The following APBA2 variants were observed in gnomAD, a reference collection of about 807,000 sequenced individuals.
APBA2 encodes amyloid-beta A4 precursor protein-binding family A member 2.
In APBA2, 30 loss-of-function variants were observed where a neutral mutation model predicts 75.0. The observed-to-expected ratio is 0.40, with a 90% CI of 0.30 to 0.54. The LOEUF is 0.54. APBA2 is among the 20% of genes least tolerant of loss of function. The pLI is 0.49. For missense variants in APBA2, 801 were observed against 1,016.1 expected (o/e 0.79, Z 2.88); for synonymous variants, 444 against 409.6 (o/e 1.08, Z -1.01).
intron 2 of APBA2, among the ~76,000 whole-genome samples, chr15:28,994,725 G>A (rs1275742991): frequency 1.3e-5 from 2 of 152,204 alleles, no homozygotes; most frequent in Non-Finnish European, 2.9e-5. Flanking sequence ...CTTTCTTAGA[G>A]AAGTGAAGAC....
intron 2 of APBA2, among the ~76,000 whole-genome samples, chr15:28,960,754 A>G (rs8035481): frequency 0.19 from 28,058 of 148,998 alleles, 4,694 homozygotes; most frequent in African/African-American, 0.44. Context: ...GGATGCACCC[A>G]TCATTCTTTT....
chr15:29,007,547 G>C (rs932536554), intron 3 of APBA2, among the ~76,000 whole-genome samples: 1 of 152,208 alleles, frequency 6.6e-6, no homozygotes, highest in Non-Finnish European at 1.5e-5. Context: ...GAAGCCACCT[G>C]ATTAACAAAC....
At chr15:28,974,811 C>T (rs937349893) in intron 2 of APBA2, among the ~76,000 whole-genome samples, 13 of 151,578 alleles carry the variant, frequency 8.6e-5, no homozygotes, top group African/African-American at 1.9e-4. Context: ...TGAAACCAAA[C>T]GAATTAATGG....
intron 3 of APBA2, among the ~76,000 whole-genome samples, chr15:29,016,005 T>C (rs1015544365): frequency 6.6e-6 from 1 of 152,182 alleles, no homozygotes; most frequent in Non-Finnish European, 1.5e-5. Flanking sequence ...ACGCTTGTAA[T>C]CCCAGCACTT....
At chr15:29,010,374 T>A (rs2039340039) in intron 3 of APBA2, among the ~76,000 whole-genome samples, 1 of 152,178 alleles carries the variant, frequency 6.6e-6, no homozygotes, top group Non-Finnish European at 1.5e-5. Context: ...TTCTCCTGCC[T>A]CAGCCTCCCA....
intron 2 of APBA2, among the ~76,000 whole-genome samples, chr15:28,938,964 G>A (rs1012618355): frequency 6.6e-6 from 1 of 152,068 alleles, no homozygotes; most frequent in Non-Finnish European, 1.5e-5. Context: ...TCTCCAAAAC[G>A]TTTTCATCTT....
rs944187841 is a variant in APBA2 at position 29,046,452 on chromosome 15, A to G, written c.-40-7393A>G. The stretch of plus-strand genomic sequence containing the variant: ...GTTGTCCTTGCTCTCCACCCCCTGG[A>G]GTAGGGGAAGAAGGCTTGGAATGTG... On this transcript the variant is annotated intron_variant, in intron 3 of 14. Coordinates refer to ENST00000683413, the MANE Select transcript of APBA2 (RefSeq NM_001353788.2). The surrounding 1 kb of genome is among the most constrained non-coding windows in gnomAD (Gnocchi z 5.0). Among the ~76,000 whole-genome samples the G allele has an allele frequency of 6.6e-6, 1 of 152,082 alleles. No individual in the cohort carries two copies. The highest frequency in any genetic ancestry group is 2.4e-5 in the African/African-American group (1 of 41,406).
chr15:29,100,181 A>G (rs1045216515), intron 9 of APBA2, among the ~76,000 whole-genome samples: 1 of 152,170 alleles, frequency 6.6e-6, no homozygotes, highest in African/African-American at 2.4e-5. Flanking sequence ...GGGAAGGAAC[A>G]TGTTTCTGAC....
At chr15:29,090,321 T>C (rs1211435432) in intron 6 of APBA2, among the ~76,000 whole-genome samples, 1 of 152,146 alleles carries the variant, frequency 6.6e-6, no homozygotes, top group African/African-American at 2.4e-5. Context: ...CACACAGCAG[T>C]CTGTGCCCAG....
At chr15:28,980,702 A>C (rs4093386) in intron 2 of APBA2, among the ~76,000 whole-genome samples, 42,413 of 152,112 alleles carry the variant, frequency 0.28, 10,800 homozygotes, top group African/African-American at 0.66. Flanking sequence ...TTCCAAAATT[A>C]ATATGGAACC....
rs192051545 is a variant in APBA2, at chr15:28,956,450, G to A, written c.-95+34701G>A. On this transcript the variant is annotated intron_variant, in intron 2 of 14. Coordinates refer to ENST00000683413, the MANE Select transcript of APBA2 (RefSeq NM_001353788.2). ...TGTCAGAATGGAGCAGGCGACAGCC[G>A]GGTTTTGGAGGCTTTCAGTCCCACG... Among the ~76,000 whole-genome samples, 568 of 152,258 alleles carry A rather than the reference G, an allele frequency of 3.7e-3. 2 individuals carry two copies. The highest frequency in any genetic ancestry group is 6.7e-3 in the Non-Finnish European group (456 of 68,014).
In APBA2 at chr15:29,053,838, C is replaced by T. The variant is rs1181068937; in HGVS notation, c.-40-7C>T. The T allele has an allele frequency of 6.4e-7, 1 of 1,550,494 alleles. No individual in the cohort carries two copies. Among genetic ancestry groups the T allele is most frequent in the Non-Finnish European group, 8.8e-7 (1 of 1,136,616 alleles). ...GACTCTGTCCTTCCCAATGTTCCTCCCCACAGTGGCTGCCTCCGGGTGATG... is the reference window on the plus strand; with the variant it reads ...GACTCTGTCCTTCCCAATGTTCCTCTCCACAGTGGCTGCCTCCGGGTGATG... On this transcript the variant is annotated splice_region_variant and splice_polypyrimidine_tract_variant and intron_variant, in intron 3 of 14. Transcript: ENST00000683413.
chr15:29,045,450 C>G (rs2041275527), intron 3 of APBA2, among the ~76,000 whole-genome samples: 2 of 151,954 alleles, frequency 1.3e-5, no homozygotes, highest in South Asian at 4.2e-4. Flanking sequence ...GACCTCATCA[C>G]TCCCCAAAGA....
chr15:28,898,575 G>C (rs1291508654), intron 1 of APBA2, among the ~76,000 whole-genome samples: 1 of 152,224 alleles, frequency 6.6e-6, no homozygotes, highest in African/African-American at 2.4e-5. Flanking sequence ...GTACTGATAG[G>C]AGGCCCAGGG....
At chr15:28,886,565 A>G (rs1265351057) in intron 1 of APBA2, among the ~76,000 whole-genome samples, 1 of 151,318 alleles carries the variant, frequency 6.6e-6, no homozygotes, top group East Asian at 2.0e-4. Flanking sequence ...CGCGGGGGGC[A>G]CCGCGGCAAG....
intron 2 of APBA2, among the ~76,000 whole-genome samples, chr15:28,960,819 G>A (rs2036428178): frequency 1.3e-5 from 2 of 151,304 alleles, no homozygotes; most frequent in Admixed American, 1.3e-4. Context: ...GAGTGCAGTG[G>A]TGTGATCTCG....
rs1454413103 is a variant in APBA2, at chr15:28,926,847, C to CTT, written c.-95+5099_-95+5100insTT. ...AATTTTAAGGATTTCACTCCACTCTCTCTCTCTCTCTTTTTTTTTTTTTTT... is the reference window on the plus strand; with the variant it reads ...AATTTTAAGGATTTCACTCCACTCTCTTTCTCTCTCTCTTTTTTTTTTTTTTT... On this transcript the variant is annotated intron_variant, in intron 2 of 14. Coordinates refer to ENST00000683413, the MANE Select transcript of APBA2 (RefSeq NM_001353788.2). 8.9e-3 allele frequency among the ~76,000 whole-genome samples: 1,195 copies of CTT among 133,564 alleles called. 31 individuals are homozygous for CTT. The highest frequency in any genetic ancestry group is 0.04 in the African/African-American group (1,148 of 28,534). The allele number at this position is 133,564 out of a possible 152,430, so 87.6% of individuals were successfully genotyped here.
At chr15:28,977,815 G>A (rs2037419398) in intron 2 of APBA2, among the ~76,000 whole-genome samples, 2 of 152,120 alleles carry the variant, frequency 1.3e-5, no homozygotes, top group African/African-American at 4.8e-5. Flanking sequence ...GTTCTCACAG[G>A]AGTGAGAACC....
intron 3 of APBA2, among the ~76,000 whole-genome samples, chr15:29,035,693 G>T (rs971289583): frequency 6.6e-6 from 1 of 152,140 alleles, no homozygotes; most frequent in Non-Finnish European, 1.5e-5. Context: ...CGAAGCAGGG[G>T]TTCTCCGTGA....
Sources: allele counts gnomAD v4.1 joint callset (sites outside exome capture counted in the v4.1 genomes callset), GRCh38; gene constraint gnomAD v4.1.1; non-coding constraint Gnocchi (gnomAD v3.1); transcripts MANE v1.5; gene names NCBI Gene and HGNC (gene_info 2026-07-23, HGNC 2026-07-21).